ETAA1: variants seen among roughly 807,000 people sequenced by gnomAD.
ETAA1 encodes the protein ewing's tumor-associated antigen 1.
ETAA1 carries 49 observed loss-of-function variants against 76.8 expected under a neutral mutation model. That is an observed-to-expected ratio of 0.64 (90% confidence interval 0.51 to 0.81). The LOEUF (loss-of-function observed/expected upper bound fraction) is 0.81, where lower values mean the gene tolerates loss of function less well. Among genes scored for constraint, ETAA1 ranks in the 30% least tolerant of loss-of-function variants. ETAA1 has a pLI of 0.00. For synonymous variants in ETAA1, 373 were observed against 372.2 expected, an observed-to-expected ratio of 1.00 and a Z score of -0.03; for missense variants, 1,099 against 1,074.0, an observed-to-expected ratio of 1.02 and a Z score of -0.32.
chr2:67,399,450 A>G, intron 2 of ETAA1, 100 bp from the exon 3 acceptor site: 1 of 1,137,624 alleles, frequency 8.8e-7, no homozygotes, highest in Non-Finnish European at 1.3e-6. Context: ...ATAATCCTCT[A>G]AGCTGCACTA....
Position 67,410,273 on chromosome 2 carries a change from G to A in ETAA1, c.*235G>A. On this transcript the variant is annotated 3_prime_UTR_variant, in exon 6 of 6. Transcript: ENST00000272342. ...GAAATTCAGGAAAGTTAGCAATTATGTACGGATATTATACAGAGGAAAGTA... is the reference window on the plus strand; with the variant it reads ...GAAATTCAGGAAAGTTAGCAATTATATACGGATATTATACAGAGGAAAGTA... 1 of 448,936 alleles carries A rather than the reference G, an allele frequency of 2.2e-6. No individual in the cohort carries two copies. Among genetic ancestry groups the A allele is most frequent in the South Asian group, 2.8e-5 (1 of 35,666 alleles). 27.8% of individuals were successfully genotyped at this position (448,936 alleles called of 1,614,324 possible).
chr2:67,402,724 A>G (rs774906210), intron 3 of ETAA1, 138 bp from the exon 4 acceptor site: 5 of 402,410 alleles, frequency 1.2e-5, no homozygotes, highest in Non-Finnish European at 2.1e-5. Flanking sequence ...GAGTTTGGTA[A>G]GTGTTACCTC....
At position 67,399,895 on chromosome 2, in the gene ETAA1, ATGT is replaced by A. The variant is rs940150250; in HGVS notation, c.429+273_429+275del. Among the ~76,000 whole-genome samples, 22 of 126,670 alleles carry A rather than the reference ATGT, an allele frequency of 1.7e-4. 1 individual carries two copies. Among genetic ancestry groups the A allele is most frequent in the Non-Finnish European group, 3.0e-4 (18 of 59,658 alleles). 83.1% of individuals were successfully genotyped at this position (126,670 alleles called of 152,430 possible). A position where few individuals can be genotyped will look rare whatever the true frequency, so the allele number is the denominator to read the frequency against. On this transcript the variant is annotated intron_variant, in intron 3 of 5. Coordinates refer to ENST00000272342, the MANE Select transcript of ETAA1 (RefSeq NM_019002.4). ...GACTAGGGCATTGTGTTTATCTGTAATGTTGTGCTTAACAACATACGACATCAT... is the reference window on the plus strand; with the variant it reads ...GACTAGGGCATTGTGTTTATCTGTAATGTGCTTAACAACATACGACATCAT...
intron 5 of ETAA1, among the ~76,000 whole-genome samples, chr2:67,408,032 T>G (rs1430015294): frequency 6.6e-6 from 1 of 152,218 alleles, no homozygotes; most frequent in African/African-American, 2.4e-5. Context: ...TCTGCATTTT[T>G]TATGGATAAT....
At chr2:67,400,048 A>G (rs1188647350) in intron 3 of ETAA1, among the ~76,000 whole-genome samples, 1 of 152,192 alleles carries the variant, frequency 6.6e-6, no homozygotes, top group Admixed American at 6.5e-5. Context: ...TCATTTCCTT[A>G]TAAGATTATC....
intron 1 of ETAA1, 115 bp downstream of exon 1, chr2:67,397,786 G>T: frequency 9.2e-7 from 1 of 1,089,024 alleles, no homozygotes; most frequent in Non-Finnish European, 1.3e-6. Context: ...TCTGTCTCTG[G>T]GATTCACCCC....
rs753151790 is a variant in ETAA1 at position 67,411,265 on chromosome 2, G to A, written c.*1227G>A. 2.0e-5 allele frequency: 3 copies of A among 151,994 alleles called. No homozygotes were observed. The highest frequency in any genetic ancestry group is 2.9e-5 in the Non-Finnish European group (2 of 67,984). 9.4% of individuals were successfully genotyped at this position (151,994 alleles called of 1,614,324 possible). ...TTAGAGATATGAAACACCTGTCATG[G>A]TGTGGCATTTATCACTATCAAGTGT... On this transcript the variant is annotated 3_prime_UTR_variant, in exon 6 of 6. Coordinates refer to ENST00000272342, the MANE Select transcript of ETAA1 (RefSeq NM_019002.4).
rs1157771231 is a variant in ETAA1 at position 67,404,344 on chromosome 2, A to C, written c.1662A>C (p.Ala554=). The C allele has an allele frequency of 4.3e-6, 7 of 1,613,138 alleles. No individual in the cohort carries two copies. Among genetic ancestry groups the C allele is most frequent in the South Asian group, 1.1e-5 (1 of 91,052 alleles). The change falls in exon 5 of 6, where the codon GCA becomes GCC. Residue 554 remains alanine, a synonymous_variant. Transcript: ENST00000272342. ...APVNTDLFGS[A]NLGSKTSVSN... Reference sequence around the variant, plus strand: ...TTAATACTGATCTTTTTGGCTCTGCAAATCTAGGCAGTAAAACCAGTGTTA... The same window carrying C: ...TTAATACTGATCTTTTTGGCTCTGCCAATCTAGGCAGTAAAACCAGTGTTA...
intron 3 of ETAA1, chr2:67,402,481 C>A (rs1195322179): frequency 2.6e-5 from 4 of 152,044 alleles, no homozygotes; most frequent in Non-Finnish European, 5.9e-5. Context: ...ATTTCTGCCA[C>A]ACAGTTTCTG....
intron 3 of ETAA1, 46 bp downstream of exon 3, chr2:67,399,672 G>T (rs1206564682): frequency 2.4e-5 from 31 of 1,279,484 alleles, no homozygotes; most frequent in Non-Finnish European, 2.9e-5. Context: ...AGTGAAGAAT[G>T]TGCCACTAAG....
chr2:67,409,658 A>G (rs1034647062), intron 5 of ETAA1, among the ~76,000 whole-genome samples: 1 of 151,980 alleles, frequency 6.6e-6, no homozygotes, highest in African/African-American at 2.4e-5. Flanking sequence ...TCAGTTTTCT[A>G]TCAAACTGAA....
intron 3 of ETAA1, 118 bp from the exon 4 acceptor site, chr2:67,402,744 T>G (rs1572908070): frequency 3.5e-6 from 2 of 572,308 alleles, no homozygotes; most frequent in South Asian, 8.8e-5. Context: ...CACCAGAATT[T>G]AGGAAATTAA....
chr2:67,404,967 A>C lies in ETAA1; in HGVS notation c.2285A>C (p.Gln762Pro). The change falls in exon 5 of 6, where the codon CAA (glutamine) becomes CCA (proline). Residue 762 changes from glutamine to proline, a missense_variant. Gln to Pro is a moderately conservative substitution (Grantham distance 76). Transcript: ENST00000272342. ...TATACTAACACTGATGTTCCAATAC[A>C]AGTGAATAGTTCCAAATTGGTTCTT... ...VSYTNTDVPI[Q>P]VNSSKLVLPG... 2 of 1,612,942 alleles carry C rather than the reference A, an allele frequency of 1.2e-6. No individual in the cohort carries two copies. Among genetic ancestry groups the C allele is most frequent in the Non-Finnish European group, 1.7e-6 (2 of 1,179,312 alleles).
In ETAA1 at chr2:67,403,997, G is replaced by A. The variant is rs35777125; in HGVS notation, c.1315G>A (p.Gly439Arg). 0.09 allele frequency: 144,461 copies of A among 1,608,208 alleles called. 7,164 individuals carry two copies. Among genetic ancestry groups the A allele is most frequent in the Middle Eastern group, 0.13 (767 of 6,010 alleles). The change falls in exon 5 of 6, where the codon GGA becomes AGA. Residue 439 changes from glycine (G) to arginine (R), a missense_variant. Gly to Arg is a moderately radical substitution (Grantham distance 125). Transcript: ENST00000272342. ...AAATACAAGTCCAGATGCCAGGTTA[G>A]GAGATTCAAAAGTATTACAAGATCT... Reference protein sequence around the residue: ...RANTSPDARLGDSKVLQDLSS... With the variant: ...RANTSPDARLRDSKVLQDLSS...
Position 67,404,174 on chromosome 2 carries a change from A to G in ETAA1, c.1492A>G (p.Ile498Val), listed in dbSNP as rs762597415. The G allele has an allele frequency of 1.4e-5, 22 of 1,601,846 alleles. No homozygotes were observed. In the East Asian group the frequency reaches 4.2e-4, roughly 31 times the overall value. ...IVIQDEIQNC[I>V]VTSNLTKIKE... ...TATTCAAGACGAAATTCAAAATTGTATAGTTACATCTAATCTGACAAAAAT... is the reference window on the plus strand; with the variant it reads ...TATTCAAGACGAAATTCAAAATTGTGTAGTTACATCTAATCTGACAAAAAT... The change falls in exon 5 of 6, where the codon ATA (isoleucine) becomes GTA (valine). Residue 498 changes from isoleucine (I) to valine (V), a missense_variant. Around this residue, in one of 3 missense-constraint regions of ETAA1, gnomAD observed 761 missense variants for 731.9 expected, o/e 1.04. Coordinates refer to ENST00000272342, the MANE Select transcript of ETAA1 (RefSeq NM_019002.4).
rs1159453475 is a variant in ETAA1 at position 67,410,794 on chromosome 2, T to A, written c.*756T>A. ...AAAAGTAATACTGTTTTCAAAGTCA[T>A]AGGCAAGTTAATGCTGTGCTACAAT... On this transcript the variant is annotated 3_prime_UTR_variant, in exon 6 of 6. Transcript: ENST00000272342. The A allele has an allele frequency of 6.6e-6, 1 of 152,092 alleles. No individual in the cohort carries two copies. Among genetic ancestry groups the A allele is most frequent in the Non-Finnish European group, 1.5e-5 (1 of 67,960 alleles). 9.4% of individuals were successfully genotyped at this position (152,092 alleles called of 1,614,324 possible).
Position 67,397,716 on chromosome 2 carries a change from C to A in ETAA1, c.223+45C>A, listed in dbSNP as rs753233460. On this transcript the variant is annotated intron_variant, in intron 1 of 5. Transcript: ENST00000272342. ...GCCTGCCTTGGCTTCGGCGCCGCAT[C>A]CCCACATCCCAGCTTGCAACAGGGA... 59 of 1,515,304 alleles carry A rather than the reference C, an allele frequency of 3.9e-5. 2 individuals are homozygous for A. The South Asian group carries it at 6.7e-4, about 17-fold the overall frequency. 93.9% of individuals were successfully genotyped at this position (1,515,304 alleles called of 1,614,324 possible). A position where few individuals can be genotyped will look rare whatever the true frequency, so the allele number is the denominator to read the frequency against.
rs762811632 is a variant in ETAA1 at position 67,403,545 on chromosome 2, G to T, written c.863G>T (p.Gly288Val). The change falls in exon 5 of 6, where the codon GGT (glycine) becomes GTT (valine). Residue 288 changes from glycine to valine, a missense_variant. Transcript: ENST00000272342. ...AEAAFNAIFD[G>V]STQKCSGQLS... ...GCAGCCTTTAATGCTATTTTTGATG[G>T]TTCTACTCAGAAATGTAGCGGACAG... The T allele has an allele frequency of 5.6e-6, 9 of 1,613,350 alleles. No individual in the cohort carries two copies. The East Asian group carries it at 1.6e-4, about 28-fold the overall frequency.
intron 5 of ETAA1, among the ~76,000 whole-genome samples, 174 bp from the exon 6 acceptor site, chr2:67,409,737 C>T (rs1676316923): frequency 6.6e-6 from 1 of 151,864 alleles, no homozygotes; most frequent in Non-Finnish European, 1.5e-5. Flanking sequence ...TTCTTTTGAA[C>T]TGGAGCATTA....
Sources: gnomAD v4.1 joint callset for allele counts (sites outside exome capture counted in the v4.1 genomes callset) on GRCh38, gnomAD v4.1.1 for gene constraint, gnomAD v4.1.1 regional missense constraint, MANE v1.5 for transcripts, NCBI Gene and HGNC (gene_info 2026-07-23, HGNC 2026-07-21) for gene names.